Variants in SLC16A4 observed in about 807,000 individuals in gnomAD.
SLC16A4 encodes probable monocarboxylate transporter 5.
A neutral mutation model predicts 47.9 loss-of-function variants in SLC16A4; 39 were observed. The observed-to-expected ratio is 0.81, with a 90% CI of 0.63 to 1.06. The LOEUF (loss-of-function observed/expected upper bound fraction) is 1.06. Ranked by LOEUF, SLC16A4 falls within the 50% of genes least tolerant of loss-of-function variation. The pLI, the probability that SLC16A4 is intolerant of heterozygous loss-of-function variation, is 0.00. For synonymous variants in SLC16A4, 189 were observed against 199.9 expected, an observed-to-expected ratio of 0.95 and a Z score of 0.46; for missense variants, 524 against 573.8, an observed-to-expected ratio of 0.91 and a Z score of 0.89.
intron 8 of SLC16A4, chr1:110,370,628 C>CA (rs1375825323): frequency 2.6e-5 from 4 of 152,186 alleles, no homozygotes; most frequent in Non-Finnish European, 5.9e-5. Context: ...TTACCAGTCT[C>CA]ACTCCATGGT....
intron 4 of SLC16A4, among the ~76,000 whole-genome samples, chr1:110,381,354 C>G (rs1008541083): frequency 6.6e-6 from 1 of 152,122 alleles, no homozygotes; most frequent in Non-Finnish European, 1.5e-5. Context: ...CAGGGTCTCA[C>G]TTTGTCACCC....
Position 110,363,242 on chromosome 1 carries a change from A to G in SLC16A4, c.*524T>C, listed in dbSNP as rs1226198544. The G allele has an allele frequency of 6.6e-6, 1 of 152,248 alleles. No homozygotes were observed. The highest frequency in any genetic ancestry group is 1.5e-5 in the Non-Finnish European group (1 of 68,052). 9.4% of individuals were successfully genotyped at this position (152,248 alleles called of 1,614,324 possible). ...AGGTACCTGATTAAAATTTTAGCCT[A>G]TTTGGTTAAATACTAACAATACAGG... is the stretch of plus-strand genomic sequence containing the variant. On this transcript the variant is annotated 3_prime_UTR_variant, in exon 9 of 9. Transcript: ENST00000369779.
rs1400583345 is a variant in SLC16A4, at chr1:110,390,998, G to GC, written c.-167dup. The GC allele has an allele frequency of 2.0e-5, 3 of 152,192 alleles. No individual in the cohort carries two copies. Among genetic ancestry groups the GC allele is most frequent in the Non-Finnish European group, 2.9e-5 (2 of 68,030 alleles). 9.4% of individuals were successfully genotyped at this position (152,192 alleles called of 1,614,324 possible). ...TTTGCTGCATTGTGAAAACAAGTGA[G>GC]CATTGTAAGAGCCAAGGAGGGCTCA... On this transcript the variant is annotated 5_prime_UTR_variant, in exon 1 of 9. An upstream open reading frame in the 5' UTR loses its in-frame stop. Transcript: ENST00000369779.
chr1:110,375,502 C>G lies in SLC16A4; in HGVS notation c.1292G>C (p.Ser431Thr). ...STVNRFLGLA[S>T]FFAGMAVLSG... ...AAGGACAGCCATCCCAGCAAAGAAA[C>G]TGGCAAGTCCCAAAAACCTGTTTAC... is the stretch of plus-strand genomic sequence containing the variant. The change falls in exon 8 of 9, where the codon AGT (serine) becomes ACT (threonine). Residue 431 changes from serine to threonine, a missense_variant. Ser to Thr is a moderately conservative substitution (Grantham distance 58). Transcript: ENST00000369779. 2 of 1,613,518 alleles carry G rather than the reference C, an allele frequency of 1.2e-6. No homozygotes were observed. Among genetic ancestry groups the G allele is most frequent in the South Asian group, 1.1e-5 (1 of 91,062 alleles).
Position 110,381,793 on chromosome 1 carries a change from G to A in SLC16A4, c.223C>T (p.Pro75Ser). The change falls in exon 4 of 9, where the codon CCC becomes TCC. Residue 75 changes from proline (P) to serine (S), a missense_variant and splice_region_variant. Transcript: ENST00000369779. The part of the protein sequence containing the change: ...IMSSLRFCAG[P>S]LVAIICDILG... ...ATGTCACAAATAATAGCAACCAGGG[G>A]ACCTTAAGAGAAGAAAGAAAGGCAA... 2 of 1,609,472 alleles carry A rather than the reference G, an allele frequency of 1.2e-6. No individual in the cohort carries two copies. The highest frequency in any genetic ancestry group is 1.7e-6 in the Non-Finnish European group (2 of 1,178,810).
intron 6 of SLC16A4, among the ~76,000 whole-genome samples, chr1:110,377,803 G>A (rs1662092148): frequency 6.6e-6 from 1 of 151,878 alleles, no homozygotes; most frequent in South Asian, 2.1e-4. Context: ...AACTAAAATA[G>A]TTGTTTTTAT....
Position 110,363,885 on chromosome 1 carries a change from A to C in SLC16A4, c.1345T>G (p.Tyr449Asp). The C allele has an allele frequency of 1.2e-6, 2 of 1,607,694 alleles. No individual in the cohort carries two copies. Among genetic ancestry groups the C allele is most frequent in the South Asian group, 1.1e-5 (1 of 89,316 alleles). Residue 449 changes from tyrosine to aspartate, a missense_variant, in exon 9 of 9, where the codon TAT becomes GAT. Tyr to Asp is a radical substitution (Grantham distance 160). Transcript: ENST00000369779. ...CCATTGTATGTCTGGGTATAATCAT[A>C]TAACCAGCCTGGAAGGAAGGAATGA... ...LSGPPIAGWL[Y>D]DYTQTYNGSF...
chr1:110,383,805 G>GTTTTTTTTTTTTT lies in SLC16A4; in HGVS notation c.88-852_88-840dup, dbSNP rs71096348. On this transcript the variant is annotated intron_variant, in intron 2 of 8. Coordinates refer to ENST00000369779, the MANE Select transcript of SLC16A4 (RefSeq NM_004696.3). ...TTTTGGAAAGGGCTGTTAAAAGGAG[G>GTTTTTTTTTTTTT]TTTTTTTTTTTTTTTTTTTTTTTTT... 3.6e-4 allele frequency among the ~76,000 whole-genome samples: 24 copies of GTTTTTTTTTTTTT among 65,758 alleles called. 4 individuals carry two copies. The East Asian group carries it at 4.3e-3, about 12-fold the overall frequency. The allele number at this position is 65,758 out of a possible 152,430, so 43.1% of individuals were successfully genotyped here.
At chr1:110,378,084 C>T (rs1662114608) in intron 6 of SLC16A4, among the ~76,000 whole-genome samples, 1 of 152,218 alleles carries the variant, frequency 6.6e-6, no homozygotes, top group African/African-American at 2.4e-5. Context: ...CTGCCTCGGC[C>T]TCCCAAAGTG....
intron 2 of SLC16A4, among the ~76,000 whole-genome samples, chr1:110,387,284 C>A (rs1557916044): frequency 6.6e-6 from 1 of 152,036 alleles, no homozygotes; most frequent in Non-Finnish European, 1.5e-5. Context: ...GTAAGACAGA[C>A]TGAATACAGA....
At position 110,375,524 on chromosome 1, in the gene SLC16A4, T is replaced by C. The variant is rs1557905971; in HGVS notation, c.1270A>G (p.Asn424Asp). 1 of 1,611,592 alleles carries C rather than the reference T, an allele frequency of 6.2e-7. No homozygotes were observed. The highest frequency in any genetic ancestry group is 8.5e-7 in the Non-Finnish European group (1 of 1,177,756). Residue 424 changes from asparagine (N) to aspartate (D), a missense_variant, in exon 8 of 9, where the codon AAC becomes GAC. By Grantham distance (23) the Asn-to-Asp change is conservative. Coordinates refer to ENST00000369779, the MANE Select transcript of SLC16A4 (RefSeq NM_004696.3). ...AAACTGGCAAGTCCCAAAAACCTGTTTACTGTAGAATTCCTACACAGATCA... is the reference window on the plus strand; with the variant it reads ...AAACTGGCAAGTCCCAAAAACCTGTCTACTGTAGAATTCCTACACAGATCA... Reference protein sequence around the residue: ...LVDLCRNSTVNRFLGLASFFA... With the variant: ...LVDLCRNSTVDRFLGLASFFA...
intron 3 of SLC16A4, among the ~76,000 whole-genome samples, chr1:110,382,152 G>A (rs1411775710): frequency 6.6e-6 from 1 of 152,186 alleles, no homozygotes; most frequent in Non-Finnish European, 1.5e-5. Flanking sequence ...CAAATAAAAG[G>A]AGAAGAAATT....
chr1:110,388,694 A>G (rs572506798), intron 2 of SLC16A4, among the ~76,000 whole-genome samples: 4 of 152,310 alleles, frequency 2.6e-5, no homozygotes, highest in Admixed American at 1.3e-4. Flanking sequence ...GGAAGAGTAG[A>G]TGACTGGATT....
intron 8 of SLC16A4, chr1:110,372,794 A>C (rs1661752640): frequency 6.6e-6 from 1 of 152,224 alleles, no homozygotes; most frequent in Non-Finnish European, 1.5e-5. Context: ...TGCCTAAGTA[A>C]TAGTCTCTGA....
chr1:110,375,494 C>T lies in SLC16A4; in HGVS notation c.1300G>A (p.Ala434Thr). ...GGTCCAGAAAGGACAGCCATCCCAG[C>T]AAAGAAACTGGCAAGTCCCAAAAAC... is the stretch of plus-strand genomic sequence containing the variant. ...NRFLGLASFF[A>T]GMAVLSGPPI... The change falls in exon 8 of 9, where the codon GCT (alanine) becomes ACT (threonine). Residue 434 changes from alanine to threonine, a missense_variant. Coordinates refer to ENST00000369779, the MANE Select transcript of SLC16A4 (RefSeq NM_004696.3). The T allele has an allele frequency of 6.2e-7, 1 of 1,613,314 alleles. No homozygotes were observed.
chr1:110,367,017 C>G (rs542299175), intron 8 of SLC16A4, among the ~76,000 whole-genome samples: 3 of 152,170 alleles, frequency 2.0e-5, no homozygotes, highest in African/African-American at 7.2e-5. Flanking sequence ...TTTATACTAG[C>G]AAATATGAGG....
chr1:110,383,003 A>G (rs1453535980), intron 2 of SLC16A4, 37 bp from the exon 3 acceptor site: 10 of 1,549,020 alleles, frequency 6.5e-6, no homozygotes, highest in Non-Finnish European at 8.8e-6. Context: ...CTCAGGTGGT[A>G]AGTGAGCCAT....
intron 6 of SLC16A4, among the ~76,000 whole-genome samples, chr1:110,377,878 G>A (rs1662098599): frequency 6.6e-6 from 1 of 152,082 alleles, no homozygotes; most frequent in Non-Finnish European, 1.5e-5. Flanking sequence ...CACCCAGGCT[G>A]GAGTGCAGTG....
chr1:110,379,361 A>G lies in SLC16A4; in HGVS notation c.527-5T>C. 6.3e-7 allele frequency: 1 copy of G among 1,585,528 alleles called. No individual in the cohort carries two copies. The highest frequency in any genetic ancestry group is 8.6e-7 in the Non-Finnish European group (1 of 1,162,398). ...CTCCAAATAATATAAGGGCTCCTAA[A>G]TAGGGAGAGATTGAGCAATTAAAAA... On this transcript the variant is annotated splice_region_variant and splice_polypyrimidine_tract_variant and intron_variant, in intron 5 of 8. Coordinates refer to ENST00000369779, the MANE Select transcript of SLC16A4 (RefSeq NM_004696.3).
Sources: gnomAD v4.1 joint callset for allele counts (sites outside exome capture counted in the v4.1 genomes callset) on GRCh38, gnomAD v4.1.1 for gene constraint, MANE v1.5 for transcripts, NCBI Gene and HGNC (gene_info 2026-07-23, HGNC 2026-07-21) for gene names.